PTPRD: variants seen among roughly 807,000 people sequenced by gnomAD.
PTPRD encodes protein tyrosine phosphatase receptor type D.
A neutral mutation model predicts 214.5 loss-of-function variants in PTPRD; 34 were observed. That is an observed-to-expected ratio of 0.16 (90% CI 0.12 to 0.21). PTPRD has a LOEUF of 0.21. PTPRD is among the 10% of genes least tolerant of loss of function. The pLI is 1.00. For missense variants in PTPRD, 2,545 were observed against 2,398.7 expected (o/e 1.06, Z -1.27); for synonymous variants, 1,128 against 845.7 (o/e 1.33, Z -5.79).
intron 39 of PTPRD, among the ~76,000 whole-genome samples, chr9:8,374,280 A>G (rs1367362944): frequency 6.6e-6 from 1 of 151,720 alleles, no homozygotes; most frequent in East Asian, 1.9e-4. Flanking sequence ...GATTTTTATA[A>G]TCAAGGTCAG....
intron 2 of PTPRD, among the ~76,000 whole-genome samples, chr9:10,568,838 A>T (rs924221858): frequency 6.6e-6 from 1 of 152,172 alleles, no homozygotes; most frequent in Non-Finnish European, 1.5e-5. Flanking sequence ...AACCTAGGCA[A>T]TACCATGCAG....
chr9:10,504,849 ATC>A (rs1453150910), intron 2 of PTPRD, among the ~76,000 whole-genome samples: 1 of 152,178 alleles, frequency 6.6e-6, no homozygotes, highest in East Asian at 1.9e-4. Context: ...AGATGAAATT[ATC>A]TCTTACTATT....
chr9:9,705,676 C>T (rs1210089886), intron 7 of PTPRD, among the ~76,000 whole-genome samples: 1 of 152,076 alleles, frequency 6.6e-6, no homozygotes, highest in Admixed American at 6.6e-5. Context: ...AATATACCTA[C>T]TTCTAAGTAT....
intron 11 of PTPRD, among the ~76,000 whole-genome samples, chr9:8,915,222 G>A (rs908794300): frequency 2.0e-5 from 3 of 152,090 alleles, no homozygotes; most frequent in South Asian, 2.1e-4. Context: ...GTGTGACGAG[G>A]AGGCATCATA....
At chr9:9,866,536 T>A (rs530782964) in intron 5 of PTPRD, among the ~76,000 whole-genome samples, 57 of 152,164 alleles carry the variant, frequency 3.7e-4, no homozygotes, top group Non-Finnish European at 6.2e-4. Flanking sequence ...AAACAGGTAA[T>A]AAGATTAGTT....
intron 11 of PTPRD, among the ~76,000 whole-genome samples, chr9:8,823,324 C>G (rs1271502383): frequency 1.3e-5 from 2 of 152,240 alleles, no homozygotes; most frequent in Admixed American, 1.3e-4. Flanking sequence ...TTCAATGATT[C>G]ACAAACTTTT....
intron 2 of PTPRD, among the ~76,000 whole-genome samples, chr9:10,373,638 G>T (rs147783794): frequency 2.8e-4 from 43 of 152,138 alleles, no homozygotes; most frequent in Non-Finnish European, 5.6e-4. Flanking sequence ...CTTTTCCCCA[G>T]CTATAGGCAC....
At chr9:9,948,236 A>G (rs1028633918) in intron 4 of PTPRD, among the ~76,000 whole-genome samples, 1 of 152,080 alleles carries the variant, frequency 6.6e-6, no homozygotes, top group Non-Finnish European at 1.5e-5. Context: ...TTCTATTACT[A>G]TACTTATGAA....
At chr9:8,582,044 G>A (rs1256031753) in intron 14 of PTPRD, among the ~76,000 whole-genome samples, 1 of 151,206 alleles carries the variant, frequency 6.6e-6, no homozygotes, top group African/African-American at 2.4e-5. Context: ...AGAGGGCACT[G>A]ATAACTTTCT....
At chr9:9,524,466 C>T (rs551717966) in intron 8 of PTPRD, among the ~76,000 whole-genome samples, 1 of 152,234 alleles carries the variant, frequency 6.6e-6, no homozygotes, top group South Asian at 2.1e-4. Flanking sequence ...TTTTCTAATC[C>T]GTACGTTCGT....
chr9:10,041,096 C>T (rs1320419810), intron 3 of PTPRD, among the ~76,000 whole-genome samples: 2 of 151,928 alleles, frequency 1.3e-5, no homozygotes, highest in Non-Finnish European at 2.9e-5. Context: ...TATGCTTTCT[C>T]TAAAAGAAAA....
chr9:9,559,146 G>T (rs185028431), intron 8 of PTPRD, among the ~76,000 whole-genome samples: 31 of 152,276 alleles, frequency 2.0e-4, no homozygotes, highest in Admixed American at 2.6e-4. Context: ...AGCATATGCA[G>T]TTACTAACTG....
chr9:9,353,759 T>G (rs988841683), intron 9 of PTPRD, among the ~76,000 whole-genome samples: 1 of 151,860 alleles, frequency 6.6e-6, no homozygotes, highest in Non-Finnish European at 1.5e-5. Flanking sequence ...TTTCTATTGC[T>G]GCCTGGTAGA....
At chr9:9,398,358 T>C (rs2141228736) in intron 8 of PTPRD, among the ~76,000 whole-genome samples, 1 of 152,152 alleles carries the variant, frequency 6.6e-6, no homozygotes, top group African/African-American at 2.4e-5. Context: ...GCCTTAACCC[T>C]GTTCATTGTT....
At chr9:9,505,338 A>G (rs1447973379) in intron 8 of PTPRD, among the ~76,000 whole-genome samples, 2 of 151,378 alleles carry the variant, frequency 1.3e-5, no homozygotes, top group East Asian at 3.9e-4. Context: ...TCATTTTTCA[A>G]TCGTGTTGGT....
At chr9:9,345,453 G>T (rs1366591198) in intron 9 of PTPRD, among the ~76,000 whole-genome samples, 3 of 151,838 alleles carry the variant, frequency 2.0e-5, no homozygotes, top group Non-Finnish European at 4.4e-5. Context: ...CACTAGGAAT[G>T]GACCCTGGGC....
At chr9:9,513,144 T>A (rs1174449974) in intron 8 of PTPRD, among the ~76,000 whole-genome samples, 1 of 151,902 alleles carries the variant, frequency 6.6e-6, no homozygotes, top group Non-Finnish European at 1.5e-5. Context: ...TATTTCCTAT[T>A]AAACAGTATC....
chr9:9,027,052 T>C (rs2099589759), intron 10 of PTPRD, among the ~76,000 whole-genome samples: 1 of 151,552 alleles, frequency 6.6e-6, no homozygotes, highest in Non-Finnish European at 1.5e-5. Context: ...CTCTCTATCC[T>C]TGGCTCTGGC....
chr9:9,554,085 C>A (rs2080958187), intron 8 of PTPRD, among the ~76,000 whole-genome samples: 1 of 151,980 alleles, frequency 6.6e-6, no homozygotes, highest in Non-Finnish European at 1.5e-5. Flanking sequence ...GAAACTTCAC[C>A]TTTTACGCTT....
Sources: gnomAD v4.1 joint callset for allele counts (sites outside exome capture counted in the v4.1 genomes callset) on GRCh38, gnomAD v4.1.1 for gene constraint, MANE v1.5 for transcripts, NCBI Gene and HGNC (gene_info 2026-07-23, HGNC 2026-07-21) for gene names.